CEP85L: variants seen among roughly 807,000 people sequenced by gnomAD.
CEP85L encodes centrosomal protein of 85 kDa-like.
A neutral mutation model predicts 100.3 loss-of-function variants in CEP85L; 60 were observed. The observed-to-expected ratio is 0.60, with a 90% CI of 0.49 to 0.74. CEP85L has a LOEUF of 0.74. Among genes scored for constraint, CEP85L ranks in the 30% least tolerant of loss-of-function variants. The probability of loss-of-function intolerance (pLI) is 0.00; values close to 1 mark genes in which losing one functional copy is unlikely to be tolerated. For missense variants in CEP85L, 973 were observed against 936.2 expected (o/e 1.04, Z -0.51); for synonymous variants, 319 against 322.7 (o/e 0.99, Z 0.12).
At chr6:118,632,327 G>T in intron 2 of CEP85L, 126 bp downstream of exon 2, 1 of 802,980 alleles carries the variant, frequency 1.2e-6, no homozygotes, top group Non-Finnish European at 1.9e-6. Context: ...CAGCAACACT[G>T]AACATTATTA....
chr6:118,580,152 C>T (rs950044794), intron 2 of CEP85L, among the ~76,000 whole-genome samples: 1 of 152,180 alleles, frequency 6.6e-6, no homozygotes, highest in Non-Finnish European at 1.5e-5. Context: ...GGTTCCCTCT[C>T]TCAGCTTGGA....
chr6:118,589,396 A>G lies in CEP85L; in HGVS notation c.233-23080T>C, dbSNP rs735920. 1,803 of 251,970 alleles carry G rather than the reference A, an allele frequency of 7.2e-3. 45 individuals are homozygous for G. The highest frequency in any genetic ancestry group is 0.039 in the African/African-American group (1,693 of 43,670). The allele number at this position is 251,970 out of a possible 1,614,324, so 15.6% of individuals were successfully genotyped here. On this transcript the variant is annotated intron_variant, in intron 2 of 12. Transcript: ENST00000368491. ...TCGGCATGCTACAAGGGAACTTTCC[A>G]AAGATGATGCCCAAGAAGCCAGCAG... is the stretch of plus-strand genomic sequence containing the variant.
chr6:118,630,570 G>A (rs1326198848), intron 2 of CEP85L, among the ~76,000 whole-genome samples: 2 of 152,104 alleles, frequency 1.3e-5, no homozygotes, highest in African/African-American at 4.8e-5. Flanking sequence ...ATAAACTGTG[G>A]TACATCCAGA....
chr6:118,496,111 G>A (rs1484496725), intron 5 of CEP85L, among the ~76,000 whole-genome samples: 1 of 152,106 alleles, frequency 6.6e-6, no homozygotes, highest in Non-Finnish European at 1.5e-5. Context: ...TCACAACTTG[G>A]GTCAGATGGT....
At chr6:118,631,159 T>C (rs1392048120) in intron 2 of CEP85L, among the ~76,000 whole-genome samples, 1 of 152,174 alleles carries the variant, frequency 6.6e-6, no homozygotes, top group Non-Finnish European at 1.5e-5. Flanking sequence ...GCTGTGCATG[T>C]GTGGGGACAA....
chr6:118,570,457 C>T (rs1285120910), intron 2 of CEP85L, among the ~76,000 whole-genome samples: 1 of 152,164 alleles, frequency 6.6e-6, no homozygotes, highest in Non-Finnish European at 1.5e-5. Flanking sequence ...TCAGTACTTT[C>T]CAAATGCAAA....
chr6:118,637,083 A>C lies in CEP85L; in HGVS notation c.74-4472T>G, dbSNP rs138493639. 5.3e-5 allele frequency among the ~76,000 whole-genome samples: 8 copies of C among 152,224 alleles called. No individual in the cohort carries two copies. The East Asian group carries it at 1.5e-3, about 29-fold the overall frequency. ...CCATTACAGTATTTCAATATCATCT[A>C]CTCAATATGATACCTATTCCACAGA... On this transcript the variant is annotated intron_variant, in intron 1 of 12. Coordinates refer to ENST00000368491, the MANE Select transcript of CEP85L (RefSeq NM_001042475.3).
intron 1 of CEP85L, among the ~76,000 whole-genome samples, chr6:118,701,287 C>T (rs890045034): frequency 3.3e-5 from 5 of 152,078 alleles, no homozygotes; most frequent in South Asian, 2.1e-4. Flanking sequence ...GGTATATATC[C>T]GAAATAAATC....
intron 2 of CEP85L, among the ~76,000 whole-genome samples, chr6:118,593,982 A>G (rs546990175): frequency 5.3e-5 from 8 of 152,052 alleles, no homozygotes; most frequent in Non-Finnish European, 1.0e-4. Flanking sequence ...CCTAAACAAC[A>G]TTTCTGCCAG....
chr6:118,563,513 G>A (rs1340113259), intron 3 of CEP85L, among the ~76,000 whole-genome samples: 1 of 152,198 alleles, frequency 6.6e-6, no homozygotes, highest in African/African-American at 2.4e-5. Flanking sequence ...GTGTTTAGGA[G>A]TTGTGCTTGC....
At chr6:118,500,673 C>T (rs969837696) in intron 5 of CEP85L, among the ~76,000 whole-genome samples, 19 of 152,148 alleles carry the variant, frequency 1.2e-4, no homozygotes, top group African/African-American at 4.1e-4. Flanking sequence ...CCACGTTCAC[C>T]CCCTTTGTTC....
At chr6:118,548,755 CAAT>C (rs1293193474) in intron 3 of CEP85L, among the ~76,000 whole-genome samples, 2 of 152,018 alleles carry the variant, frequency 1.3e-5, no homozygotes, top group East Asian at 1.9e-4. Flanking sequence ...CATGCAAAAA[CAAT>C]GACTTAATTT....
intron 5 of CEP85L, among the ~76,000 whole-genome samples, chr6:118,511,029 A>G (rs951829783): frequency 6.6e-6 from 1 of 152,128 alleles, no homozygotes; most frequent in Non-Finnish European, 1.5e-5. Context: ...AGGATAAAAC[A>G]CACTTATATC....
chr6:118,597,975 G>C (rs1583137632), intron 2 of CEP85L, among the ~76,000 whole-genome samples: 2 of 152,300 alleles, frequency 1.3e-5, no homozygotes, highest in African/African-American at 4.8e-5. Flanking sequence ...AGATTATTGA[G>C]TTTTGAAGCC....
At chr6:118,493,126 A>G (rs558585241) in intron 5 of CEP85L, among the ~76,000 whole-genome samples, 7 of 152,288 alleles carry the variant, frequency 4.6e-5, no homozygotes, top group Non-Finnish European at 1.0e-4. Context: ...CGAATGAGGA[A>G]AAAGGCTTTT....
intron 2 of CEP85L, among the ~76,000 whole-genome samples, chr6:118,628,520 A>G (rs997276318): frequency 6.6e-5 from 10 of 152,068 alleles, no homozygotes; most frequent in Non-Finnish European, 1.5e-4. Context: ...AAAGGCTGGT[A>G]AAAATGGAAC....
In CEP85L at chr6:118,491,577, TAAATG is replaced by T. The variant is rs1369620765; in HGVS notation, c.1437+104_1437+108del. On this transcript the variant is annotated intron_variant, in intron 6 of 12. Coordinates refer to ENST00000368491, the MANE Select transcript of CEP85L (RefSeq NM_001042475.3). ...TACTACAAAATTAATCACCTCCACA[TAAATG>T]TATACATAACCTGGCATGACACCTG... 2.0e-6 allele frequency: 3 copies of T among 1,470,980 alleles called. No homozygotes were observed. In the African/African-American group the frequency reaches 4.3e-5, roughly 21 times the overall value. 91.1% of individuals were successfully genotyped at this position (1,470,980 alleles called of 1,614,324 possible). A position where few individuals can be genotyped will look rare whatever the true frequency, so the allele number is the denominator to read the frequency against.
At chr6:118,485,065 C>T (rs1774077780) in intron 6 of CEP85L, among the ~76,000 whole-genome samples, 1 of 152,042 alleles carries the variant, frequency 6.6e-6, no homozygotes, top group African/African-American at 2.4e-5. Flanking sequence ...CTAGTAAATC[C>T]CAATTTATAT....
At chr6:118,513,044 AAAC>A (rs1476139853) in intron 4 of CEP85L, among the ~76,000 whole-genome samples, 1 of 152,208 alleles carries the variant, frequency 6.6e-6, no homozygotes, top group African/African-American at 2.4e-5. Flanking sequence ...CATACATGAC[AAAC>A]AACACACTGA....
Sources: allele counts gnomAD v4.1 joint callset (sites outside exome capture counted in the v4.1 genomes callset), GRCh38; gene constraint gnomAD v4.1.1; transcripts MANE v1.5; gene names NCBI Gene and HGNC (gene_info 2026-07-23, HGNC 2026-07-21).